The following NMNAT3 variants were observed in gnomAD, a reference collection of about 807,000 sequenced individuals.
NMNAT3 encodes the protein nicotinamide nucleotide adenylyltransferase 3.
NMNAT3 carries 21 observed loss-of-function variants against 24.8 expected under a neutral mutation model. The observed-to-expected ratio is 0.85, with a 90% CI of 0.60 to 1.22. NMNAT3 has a LOEUF of 1.22. Among genes scored for constraint, NMNAT3 ranks in the 50% most tolerant of loss-of-function variants. NMNAT3 has a pLI of 0.00. For synonymous variants in NMNAT3, 136 were observed against 155.2 expected (o/e 0.88, Z 0.92); for missense variants, 387 against 436.6 (o/e 0.89, Z 1.01).
intron 3 of NMNAT3, among the ~76,000 whole-genome samples, chr3:139,595,493 G>A (rs143969015): frequency 3.9e-5 from 6 of 152,232 alleles, no homozygotes; most frequent in African/African-American, 1.2e-4. Context: ...AAAAGAGCCC[G>A]CATTGCGAAG....
chr3:139,583,285 A>G, intron 3 of NMNAT3: 1 of 1,283,716 alleles, frequency 7.8e-7, no homozygotes, highest in South Asian at 1.2e-5. Context: ...TACTTTTACC[A>G]TCTGTTTCAT....
At chr3:139,664,644 A>G (rs924573817) in intron 1 of NMNAT3, among the ~76,000 whole-genome samples, 1 of 152,130 alleles carries the variant, frequency 6.6e-6, no homozygotes, top group Non-Finnish European at 1.5e-5. Flanking sequence ...AGCTGTGTTG[A>G]TTCCCCAAAA....
chr3:139,614,060 A>G (rs1559911239), intron 3 of NMNAT3, among the ~76,000 whole-genome samples: 1 of 152,092 alleles, frequency 6.6e-6, no homozygotes. Context: ...TGGGTGCAGC[A>G]TACCAACATG....
At chr3:139,649,577 A>C (rs557367375) in intron 1 of NMNAT3, among the ~76,000 whole-genome samples, 1 of 152,268 alleles carries the variant, frequency 6.6e-6, no homozygotes, top group South Asian at 2.1e-4. Context: ...TGATGCTTCC[A>C]AAGGTTGTTT....
At chr3:139,603,656 A>G (rs1461918774) in intron 3 of NMNAT3, among the ~76,000 whole-genome samples, 3 of 152,062 alleles carry the variant, frequency 2.0e-5, no homozygotes, top group Non-Finnish European at 4.4e-5. Flanking sequence ...ACTATGACCA[A>G]CACCATATTA....
At chr3:139,588,285 G>A (rs911182049) in intron 3 of NMNAT3, among the ~76,000 whole-genome samples, 1 of 152,122 alleles carries the variant, frequency 6.6e-6, no homozygotes, top group Admixed American at 6.5e-5. Flanking sequence ...CCTTAAGGAC[G>A]TGAACTTGTC....
intron 5 of NMNAT3, 78 bp from the exon 6 acceptor site, chr3:139,573,758 C>G: frequency 2.7e-6 from 2 of 751,928 alleles, no homozygotes; most frequent in Non-Finnish European, 4.3e-6. Flanking sequence ...CAGATTTTGT[C>G]TCAGCCTGCT....
rs1936281885 is a variant in NMNAT3 at position 139,560,839 on chromosome 3, G to A, written c.*171C>T. 1 of 640,806 alleles carries A rather than the reference G, an allele frequency of 1.6e-6. No individual in the cohort carries two copies. Among genetic ancestry groups the A allele is most frequent in the Non-Finnish European group, 2.7e-6 (1 of 372,578 alleles). 39.7% of individuals were successfully genotyped at this position (640,806 alleles called of 1,614,324 possible). A position where few individuals can be genotyped will look rare whatever the true frequency, so the allele number is the denominator to read the frequency against. On this transcript the variant is annotated 3_prime_UTR_variant, in exon 7 of 7. Transcript: ENST00000643695. The stretch of plus-strand genomic sequence containing the variant: ...TTGTGATTTAGACCTTTCCTCTCCT[G>A]TAAAGAAGGTATCTCTTCCTGGGAC...
At chr3:139,631,909 G>T (rs1292211631) in intron 2 of NMNAT3, among the ~76,000 whole-genome samples, 1 of 151,986 alleles carries the variant, frequency 6.6e-6, no homozygotes, top group African/African-American at 2.4e-5. Flanking sequence ...AATGCATGTT[G>T]CTCTTCTCCA....
chr3:139,649,249 G>A (rs753254505), intron 1 of NMNAT3, among the ~76,000 whole-genome samples: 1 of 152,042 alleles, frequency 6.6e-6, no homozygotes, highest in Non-Finnish European at 1.5e-5. Flanking sequence ...TGCAGGAGAT[G>A]GTCTTTAAAG....
chr3:139,622,780 G>T (rs540159417), intron 3 of NMNAT3, among the ~76,000 whole-genome samples: 1,568 of 135,846 alleles, frequency 0.012, 17 homozygotes, highest in Middle Eastern at 0.051. Context: ...TCATATATAT[G>T]ATATATATAT....
chr3:139,609,646 G>A (rs1404735897), intron 3 of NMNAT3: 3 of 103,152 alleles, frequency 2.9e-5, no homozygotes, highest in South Asian at 4.5e-4. Context: ...TATGTGGTTT[G>A]CAACTTACTT....
intron 1 of NMNAT3, among the ~76,000 whole-genome samples, chr3:139,671,188 A>T (rs756200935): frequency 6.6e-6 from 1 of 152,220 alleles, no homozygotes; most frequent in Non-Finnish European, 1.5e-5. Flanking sequence ...TCCCTTTTTC[A>T]TATGTAACTC....
intron 3 of NMNAT3, among the ~76,000 whole-genome samples, chr3:139,603,506 C>G (rs4516568): frequency 0.73 from 109,851 of 150,836 alleles, 40,486 homozygotes; most frequent in East Asian, 0.98. Context: ...AAATCACAAT[C>G]TCCTTCACCA....
At chr3:139,632,826 C>T (rs1358958004) in intron 2 of NMNAT3, among the ~76,000 whole-genome samples, 2 of 152,178 alleles carry the variant, frequency 1.3e-5, no homozygotes, top group Non-Finnish European at 1.5e-5. Flanking sequence ...TGTCCTAATC[C>T]TTGGAACCTG....
At chr3:139,652,590 C>T (rs575474232) in intron 1 of NMNAT3, among the ~76,000 whole-genome samples, 4 of 152,180 alleles carry the variant, frequency 2.6e-5, no homozygotes, top group Non-Finnish European at 1.5e-5. Flanking sequence ...TGGGGGGCAA[C>T]AGCACTTCTC....
chr3:139,652,208 C>G (rs1307862234), intron 1 of NMNAT3, among the ~76,000 whole-genome samples: 1 of 152,178 alleles, frequency 6.6e-6, no homozygotes, highest in Non-Finnish European at 1.5e-5. Flanking sequence ...CCTGCAGCAG[C>G]CCGGGGCTGT....
rs1440615170 is a variant in NMNAT3 at position 139,583,528 on chromosome 3, T to C, written c.110-320A>G. On this transcript the variant is annotated intron_variant, in intron 3 of 6. Coordinates refer to ENST00000643695, the MANE Select transcript of NMNAT3 (RefSeq NM_001320510.2). ...CTATGGAAGTAGTTTGTGACTGTTT[T>C]GTTTCCACAAAGTTTGAATTATTTT... is the stretch of plus-strand genomic sequence containing the variant. The C allele has an allele frequency of 2.8e-5, 38 of 1,380,082 alleles. No homozygotes were observed. The East Asian group carries it at 6.4e-4, about 23-fold the overall frequency. 85.5% of individuals were successfully genotyped at this position (1,380,082 alleles called of 1,614,324 possible).
chr3:139,619,707 A>G (rs1372427771), intron 3 of NMNAT3, among the ~76,000 whole-genome samples: 2 of 152,186 alleles, frequency 1.3e-5, no homozygotes, highest in Non-Finnish European at 2.9e-5. Context: ...CTGACAAGTG[A>G]AGGTTGGCAG....
Sources: allele counts gnomAD v4.1 joint callset (sites outside exome capture counted in the v4.1 genomes callset), GRCh38; gene constraint gnomAD v4.1.1; transcripts MANE v1.5; gene names NCBI Gene and HGNC (gene_info 2026-07-23, HGNC 2026-07-21).